Variants in BCAS3 observed in about 807,000 individuals in gnomAD.
BCAS3 encodes the protein BCAS4/BCAS3 fusion.
Under a neutral mutation model 116.1 loss-of-function variants are expected in BCAS3, and 53 were observed. The ratio of observed to expected loss-of-function variants is 0.46; its 90% CI spans 0.37 to 0.57. BCAS3 has a LOEUF of 0.57. Among genes scored for constraint, BCAS3 ranks in the 20% least tolerant of loss-of-function variants. BCAS3 has a pLI of 0.00. For missense variants in BCAS3, 917 were observed against 1,165.4 expected (o/e 0.79, Z 3.10); for synonymous variants, 391 against 408.2 (o/e 0.96, Z 0.51).
intron 1 of BCAS3, among the ~76,000 whole-genome samples, chr17:60,679,192 T>G (rs1466729660): frequency 6.6e-6 from 1 of 152,126 alleles, no homozygotes; most frequent in African/African-American, 2.4e-5. Context: ...GCCACTGAAC[T>G]CCAGCCTGGG....
intron 10 of BCAS3, among the ~76,000 whole-genome samples, chr17:60,897,428 C>T (rs2057586079): frequency 6.6e-6 from 1 of 152,110 alleles, no homozygotes; most frequent in Non-Finnish European, 1.5e-5. Context: ...GATTGCTAAG[C>T]CTGTTGTATC....
chr17:61,226,008 C>T lies in BCAS3; in HGVS notation c.2425+141444C>T, dbSNP rs1414152733. ...ATACTTTTGTAAATTGCCTGCTTTTCCCCTGTCATCTGCTAATTCCAATTT... is the reference window on the plus strand; with the variant it reads ...ATACTTTTGTAAATTGCCTGCTTTTTCCCTGTCATCTGCTAATTCCAATTT... On this transcript the variant is annotated intron_variant, in intron 22 of 23. Transcript: ENST00000407086. This position sits in a 1 kb window ranked among gnomAD's most constrained non-coding sequence, Gnocchi z 6.0. Among the ~76,000 whole-genome samples, 2 of 152,112 alleles carry T rather than the reference C, an allele frequency of 1.3e-5. No homozygotes were observed. The highest frequency in any genetic ancestry group is 2.9e-5 in the Non-Finnish European group (2 of 68,026).
chr17:60,779,392 G>A (rs1359520513), intron 6 of BCAS3, among the ~76,000 whole-genome samples: 9 of 147,274 alleles, frequency 6.1e-5, no homozygotes, highest in Non-Finnish European at 7.4e-5. Context: ...TTTTTGAGGC[G>A]GAGCTTTGCC....
chr17:61,143,503 G>T (rs981893392), intron 22 of BCAS3, among the ~76,000 whole-genome samples: 2 of 152,152 alleles, frequency 1.3e-5, no homozygotes, highest in African/African-American at 4.8e-5. Context: ...CATAATGCTT[G>T]CAAATACATT....
At chr17:60,908,186 T>G (rs1034131415) in intron 11 of BCAS3, among the ~76,000 whole-genome samples, 12 of 151,954 alleles carry the variant, frequency 7.9e-5, no homozygotes, top group Non-Finnish European at 7.4e-5. Flanking sequence ...TATCAAACAC[T>G]CTTCATGTAA....
intron 19 of BCAS3, among the ~76,000 whole-genome samples, chr17:61,057,157 C>G (rs951684901): frequency 6.6e-6 from 1 of 152,188 alleles, no homozygotes; most frequent in African/African-American, 2.4e-5. Context: ...CCTGTGCTTA[C>G]TTACCATCTT....
intron 14 of BCAS3, among the ~76,000 whole-genome samples, chr17:60,958,753 A>G (rs2061268346): frequency 6.6e-6 from 1 of 152,234 alleles, no homozygotes; most frequent in Admixed American, 6.5e-5. Context: ...TTTGAAAAAG[A>G]AAAAGTTGGA....
chr17:61,299,212 G>A (rs974308529), intron 22 of BCAS3, among the ~76,000 whole-genome samples: 7 of 151,916 alleles, frequency 4.6e-5, no homozygotes, highest in East Asian at 4.0e-4. Flanking sequence ...GGGAGGCTGC[G>A]GCAGGTGGAT....
At chr17:61,250,598 C>G (rs2048297085) in intron 22 of BCAS3, among the ~76,000 whole-genome samples, 1 of 152,310 alleles carries the variant, frequency 6.6e-6, no homozygotes, top group Non-Finnish European at 1.5e-5. Flanking sequence ...AGATGATTAT[C>G]TCTAAAAAGA....
chr17:61,370,292 G>GTTTTTTTTT, intron 23 of BCAS3, among the ~76,000 whole-genome samples: 1 of 151,228 alleles, frequency 6.6e-6, no homozygotes, highest in Non-Finnish European at 1.5e-5. Flanking sequence ...TTTAGCAGAG[G>GTTTTTTTTT]GATTTCATTG....
At chr17:60,731,929 C>T (rs2040496771) in intron 5 of BCAS3, among the ~76,000 whole-genome samples, 1 of 151,582 alleles carries the variant, frequency 6.6e-6, no homozygotes, top group African/African-American at 2.4e-5. Context: ...TAGGTGCTTG[C>T]TACCACTGCT....
chr17:60,710,257 A>G (rs2037692108), intron 5 of BCAS3, among the ~76,000 whole-genome samples: 1 of 152,188 alleles, frequency 6.6e-6, no homozygotes, highest in African/African-American at 2.4e-5. Context: ...TGTTTCAGCC[A>G]GAATTTTTTT....
chr17:60,730,627 A>G (rs2040366636), intron 5 of BCAS3, among the ~76,000 whole-genome samples: 1 of 152,206 alleles, frequency 6.6e-6, no homozygotes, highest in South Asian at 2.1e-4. Flanking sequence ...TTTCAAAAGG[A>G]CTGCTCTTTA....
chr17:60,983,908 C>T (rs1291987193), intron 14 of BCAS3, among the ~76,000 whole-genome samples: 4 of 152,176 alleles, frequency 2.6e-5, no homozygotes, highest in East Asian at 1.9e-4. Flanking sequence ...CACCTTTGTT[C>T]GTCCTGCTTT....
intron 22 of BCAS3, among the ~76,000 whole-genome samples, chr17:61,127,139 T>C (rs894290026): frequency 6.6e-6 from 1 of 152,178 alleles, no homozygotes; most frequent in Non-Finnish European, 1.5e-5. Context: ...GACATTTTCA[T>C]GGGTAATATT....
Position 61,162,161 on chromosome 17 carries a change from G to A in BCAS3, c.2425+77597G>A, listed in dbSNP as rs1023717982. On this transcript the variant is annotated intron_variant, in intron 22 of 23. Transcript: ENST00000407086. The surrounding 1 kb of genome is among the most constrained non-coding windows in gnomAD (Gnocchi z 5.6). Reference sequence around the variant, plus strand: ...ACCATGTTTTTCTTCAGTAAAAATTGAAGATATTTTATTGGGAAATATCCT... The same window carrying A: ...ACCATGTTTTTCTTCAGTAAAAATTAAAGATATTTTATTGGGAAATATCCT... 2.6e-5 allele frequency among the ~76,000 whole-genome samples: 4 copies of A among 152,146 alleles called. No individual in the cohort carries two copies. The highest frequency in any genetic ancestry group is 5.9e-5 in the Non-Finnish European group (4 of 68,036).
At chr17:60,774,064 G>A (rs1013271530) in intron 6 of BCAS3, among the ~76,000 whole-genome samples, 8 of 152,046 alleles carry the variant, frequency 5.3e-5, no homozygotes, top group African/African-American at 1.2e-4. Context: ...TTTACAAACC[G>A]TATTAAAATA....
At chr17:60,707,074 C>T (rs895104738) in intron 4 of BCAS3, among the ~76,000 whole-genome samples, 3 of 151,972 alleles carry the variant, frequency 2.0e-5, no homozygotes, top group Non-Finnish European at 4.4e-5. Flanking sequence ...TTACCTCAAC[C>T]TCTGCCTCCT....
At chr17:60,935,104 A>ACAATG (rs1022166359) in intron 13 of BCAS3, among the ~76,000 whole-genome samples, 30 of 152,302 alleles carry the variant, frequency 2.0e-4, no homozygotes, top group Admixed American at 7.2e-4. Context: ...GTAGAGGAAT[A>ACAATG]CAATGCAATG....
Sources: gnomAD v4.1 joint callset for allele counts (sites outside exome capture counted in the v4.1 genomes callset) on GRCh38, gnomAD v4.1.1 for gene constraint, Gnocchi (gnomAD v3.1) non-coding constraint, MANE v1.5 for transcripts, NCBI Gene and HGNC (gene_info 2026-07-23, HGNC 2026-07-21) for gene names.